Variants in DOCK1 observed in about 807,000 individuals in gnomAD.
The protein encoded by DOCK1 is dedicator of cytokinesis 1.
DOCK1 carries 138 observed loss-of-function variants against 262.7 expected under a neutral mutation model. That is an observed-to-expected ratio of 0.53 (90% CI 0.46 to 0.61). The LOEUF (loss-of-function observed/expected upper bound fraction) is 0.61. Among genes scored for constraint, DOCK1 ranks in the 20% least tolerant of loss-of-function variants. DOCK1 has a pLI of 0.00. For missense variants in DOCK1, 1,908 were observed against 2,370.7 expected (o/e 0.80, Z 4.05); for synonymous variants, 866 against 867.4 (o/e 1.00, Z 0.03).
rs114051308 is a variant in DOCK1, at chr10:127,297,628, C to T, written c.3044+40199C>T. ...AATATTCCTCAGAAATACAAAGCAC[C>T]TCTCAATCATGCTATACCTTCTTCC... On this transcript the variant is annotated intron_variant, in intron 29 of 51. Transcript: ENST00000623213. Among the ~76,000 whole-genome samples the T allele has an allele frequency of 3.2e-3, 488 of 152,298 alleles. 1 individual carries two copies. Among genetic ancestry groups the T allele is most frequent in the Middle Eastern group, 0.01 (3 of 294 alleles).
chr10:127,298,740 C>A (rs2061584100), intron 29 of DOCK1, among the ~76,000 whole-genome samples: 1 of 152,170 alleles, frequency 6.6e-6, no homozygotes, highest in South Asian at 2.1e-4. Flanking sequence ...GTTTATATTA[C>A]AAAGCCCAGG....
At chr10:127,026,033 TG>T (rs1441978032) in intron 15 of DOCK1, 1 of 264,440 alleles carries the variant, frequency 3.8e-6, no homozygotes, top group Non-Finnish European at 6.7e-6. Context: ...CACTCTAGCC[TG>T]GGCAACAAGA....
At chr10:127,398,415 G>T (rs1278637241) in intron 38 of DOCK1, among the ~76,000 whole-genome samples, 1 of 152,156 alleles carries the variant, frequency 6.6e-6, no homozygotes, top group Non-Finnish European at 1.5e-5. Flanking sequence ...CACCTGGAAG[G>T]GATGCTGTCA....
chr10:127,092,095 C>T (rs748354767), intron 23 of DOCK1, among the ~76,000 whole-genome samples: 1 of 152,200 alleles, frequency 6.6e-6, no homozygotes, highest in Non-Finnish European at 1.5e-5. Context: ...CTGATGGACA[C>T]CTGTGCCCAG....
intron 44 of DOCK1, 86 bp from the exon 45 acceptor site, chr10:127,418,279 G>A: frequency 7.1e-7 from 1 of 1,409,562 alleles, no homozygotes; most frequent in Non-Finnish European, 9.4e-7. Flanking sequence ...CAGGAAGCCT[G>A]CCCCAGAGCA....
At chr10:126,986,636 G>C (rs546632681) in intron 4 of DOCK1, among the ~76,000 whole-genome samples, 1 of 152,346 alleles carries the variant, frequency 6.6e-6, no homozygotes, top group South Asian at 2.1e-4. Flanking sequence ...GGGGCTGGGC[G>C]CGGTGGCTCA....
intron 27 of DOCK1, among the ~76,000 whole-genome samples, chr10:127,139,750 G>C (rs1310730837): frequency 1.3e-5 from 2 of 152,058 alleles, no homozygotes; most frequent in African/African-American, 4.8e-5. Context: ...TCACTTCAAG[G>C]GGGAGAAAAT....
At chr10:127,017,729 C>G (rs981329963) in intron 12 of DOCK1, among the ~76,000 whole-genome samples, 10 of 152,196 alleles carry the variant, frequency 6.6e-5, no homozygotes, top group African/African-American at 2.4e-4. Context: ...CAGGCAGCCC[C>G]CCCTGAGGCC....
intron 33 of DOCK1, among the ~76,000 whole-genome samples, chr10:127,367,826 C>T (rs74461323): frequency 0.041 from 6,252 of 152,242 alleles, 185 homozygotes; most frequent in Middle Eastern, 0.075. Flanking sequence ...TGTTTGTGTA[C>T]GGCCAGGAGG....
At chr10:126,973,615 G>A (rs1039850785) in intron 2 of DOCK1, among the ~76,000 whole-genome samples, 5 of 152,092 alleles carry the variant, frequency 3.3e-5, no homozygotes, top group African/African-American at 9.7e-5. Flanking sequence ...ATGAATTTCC[G>A]TTCCTTGACA....
intron 27 of DOCK1, among the ~76,000 whole-genome samples, chr10:127,143,633 T>C (rs2051492197): frequency 6.6e-6 from 1 of 152,178 alleles, no homozygotes; most frequent in African/African-American, 2.4e-5. Flanking sequence ...TCAACTGACA[T>C]TGGCGCCAAC....
At chr10:127,265,546 C>T (rs763066759) in intron 29 of DOCK1, among the ~76,000 whole-genome samples, 1 of 152,212 alleles carries the variant, frequency 6.6e-6, no homozygotes, top group Non-Finnish European at 1.5e-5. Flanking sequence ...ATTCATCCTT[C>T]TTTCAACCAG....
At chr10:127,167,819 C>T (rs572133286) in intron 27 of DOCK1, among the ~76,000 whole-genome samples, 1 of 151,926 alleles carries the variant, frequency 6.6e-6, no homozygotes, top group Non-Finnish European at 1.5e-5. Context: ...ACCACCACCC[C>T]CCATCCCCAA....
At chr10:127,439,858 G>A (rs542813861) in intron 49 of DOCK1, among the ~76,000 whole-genome samples, 12 of 152,236 alleles carry the variant, frequency 7.9e-5, no homozygotes, top group Admixed American at 3.3e-4. Flanking sequence ...TTCCACAGTC[G>A]TGGGCGTGTG....
intron 23 of DOCK1, among the ~76,000 whole-genome samples, chr10:127,104,923 T>C (rs2048446331): frequency 6.6e-6 from 1 of 152,146 alleles, no homozygotes; most frequent in African/African-American, 2.4e-5. Flanking sequence ...TCAGCTACCT[T>C]CTAATAGGAG....
intron 18 of DOCK1, among the ~76,000 whole-genome samples, chr10:127,037,482 A>G (rs1490242872): frequency 6.6e-6 from 1 of 152,202 alleles, no homozygotes; most frequent in Non-Finnish European, 1.5e-5. Flanking sequence ...GCACTTTTAA[A>G]GCTTCTACAT....
chr10:127,433,077 T>C (rs2134648385), intron 47 of DOCK1, among the ~76,000 whole-genome samples: 1 of 152,348 alleles, frequency 6.6e-6, no homozygotes, highest in East Asian at 1.9e-4. Flanking sequence ...CTTCTGATAC[T>C]TTCACAGTAT....
intron 45 of DOCK1, 54 bp downstream of exon 45, chr10:127,418,595 G>T: frequency 6.5e-7 from 1 of 1,544,238 alleles, no homozygotes. Context: ...GGGACAGACT[G>T]AAAATTCCCG....
At chr10:126,997,064 A>T (rs756771522) in intron 7 of DOCK1, among the ~76,000 whole-genome samples, 181 bp downstream of exon 7, 4 of 151,754 alleles carry the variant, frequency 2.6e-5, no homozygotes, top group Non-Finnish European at 5.9e-5. Context: ...GTCACCCATG[A>T]CATGAAAGGG....
Sources: gnomAD v4.1 joint callset for allele counts (sites outside exome capture counted in the v4.1 genomes callset) on GRCh38, gnomAD v4.1.1 for gene constraint, MANE v1.5 for transcripts, NCBI Gene and HGNC (gene_info 2026-07-23, HGNC 2026-07-21) for gene names.